The following RANBP10 variants were observed in gnomAD, a reference collection of about 807,000 sequenced individuals.
RANBP10 encodes RAN binding protein 10, also known as ran-binding protein 10.
In RANBP10, 24 loss-of-function variants were observed where a neutral mutation model predicts 72.8. The ratio of observed to expected loss-of-function variants is 0.33; its 90% CI spans 0.24 to 0.46. The LOEUF is 0.46. Ranked by LOEUF, RANBP10 falls within the 20% of genes least tolerant of loss-of-function variation. The probability of loss-of-function intolerance (pLI) is 1.00; values close to 1 mark genes in which losing one functional copy is unlikely to be tolerated. For missense variants in RANBP10, 679 were observed against 817.5 expected (o/e 0.83, Z 2.07); for synonymous variants, 310 against 322.3 (o/e 0.96, Z 0.41).
intron 2 of RANBP10, among the ~76,000 whole-genome samples, chr16:67,792,390 T>C (rs2055044720): frequency 6.8e-6 from 1 of 147,980 alleles, no homozygotes; most frequent in Admixed American, 6.7e-5. Context: ...CCATCTCTAC[T>C]AAAAAAAAAT....
At chr16:67,743,714 C>A (rs992374331) in intron 4 of RANBP10, among the ~76,000 whole-genome samples, 4 of 152,222 alleles carry the variant, frequency 2.6e-5, no homozygotes, top group Non-Finnish European at 5.9e-5. Context: ...CCCATCCCCA[C>A]TGCCTTACCT....
chr16:67,804,479 A>G (rs1412124386), intron 2 of RANBP10, among the ~76,000 whole-genome samples: 9 of 151,718 alleles, frequency 5.9e-5, no homozygotes, highest in Admixed American at 5.9e-4. Flanking sequence ...TCAGCTCACT[A>G]CAACCTCCAC....
At chr16:67,790,908 C>T (rs1384580220) in intron 2 of RANBP10, among the ~76,000 whole-genome samples, 2 of 151,510 alleles carry the variant, frequency 1.3e-5, no homozygotes, top group Non-Finnish European at 2.9e-5. Flanking sequence ...TCATGTTGAC[C>T]AGGCTGGTCT....
intron 2 of RANBP10, among the ~76,000 whole-genome samples, chr16:67,794,669 T>C (rs1597919987): frequency 6.6e-6 from 1 of 150,384 alleles, no homozygotes; most frequent in East Asian, 2.0e-4. Flanking sequence ...ACTACAGGTG[T>C]GTGCCACCAT....
chr16:67,794,738 T>C (rs113926979), intron 2 of RANBP10, among the ~76,000 whole-genome samples: 1 of 150,920 alleles, frequency 6.6e-6, no homozygotes, highest in South Asian at 2.1e-4. Flanking sequence ...TTAGCCAGGA[T>C]GGTCTTGATC....
Position 67,757,450 on chromosome 16 carries a change from G to A in RANBP10, c.401-12995C>T, listed in dbSNP as rs145163597. On this transcript the variant is annotated intron_variant, in intron 3 of 13. Transcript: ENST00000317506. ...GTGGCTCTCAGAATGTCACTCTTGA[G>A]GCTGGCTGTGGAGGGATGAGTGCTG... Among the ~76,000 whole-genome samples the A allele has an allele frequency of 7.2e-3, 1,090 of 152,254 alleles. 14 individuals carry two copies. The highest frequency in any genetic ancestry group is 0.025 in the African/African-American group (1,037 of 41,534).
At chr16:67,806,242 C>T in intron 1 of RANBP10, 60 bp downstream of exon 1, 2 of 1,468,146 alleles carry the variant, frequency 1.4e-6, no homozygotes, top group Non-Finnish European at 1.8e-6. Flanking sequence ...GGGGGCCTGG[C>T]AGCAGAGCCA....
chr16:67,799,085 T>C (rs2143021518), intron 2 of RANBP10, among the ~76,000 whole-genome samples: 1 of 150,928 alleles, frequency 6.6e-6, no homozygotes, highest in South Asian at 2.1e-4. Flanking sequence ...ACCACCACTA[T>C]TATTAGCGCC....
chr16:67,738,132 T>A lies in RANBP10; in HGVS notation c.569-97A>T. 8.8e-6 allele frequency: 12 copies of A among 1,355,972 alleles called. No homozygotes were observed. In the South Asian group the frequency reaches 1.8e-4, roughly 20 times the overall value. The allele number at this position is 1,355,972 out of a possible 1,614,324, so 84.0% of individuals were successfully genotyped here. A position where few individuals can be genotyped will look rare whatever the true frequency, so the allele number is the denominator to read the frequency against. ...CCAGTGCTAGGGCCGGGTAGTTGTT[T>A]TTTTTGGTTTGTTGTTGTTGTTTTG... On this transcript the variant is annotated intron_variant, in intron 4 of 13. Transcript: ENST00000317506.
At chr16:67,728,585 G>T (rs766296087) in intron 10 of RANBP10, 74 bp from the exon 11 acceptor site, 1 of 1,608,754 alleles carries the variant, frequency 6.2e-7, no homozygotes, top group Non-Finnish European at 8.5e-7. Flanking sequence ...CTCCTTTCAA[G>T]CTGTAGCCAT....
intron 1 of RANBP10, among the ~76,000 whole-genome samples, chr16:67,805,970 G>A (rs2055404031): frequency 6.6e-6 from 1 of 152,244 alleles, no homozygotes; most frequent in Admixed American, 6.5e-5. Context: ...TGGTAGGTAT[G>A]TGACCACCCC....
At chr16:67,757,868 A>C (rs1597867422) in intron 3 of RANBP10, among the ~76,000 whole-genome samples, 1 of 152,130 alleles carries the variant, frequency 6.6e-6, no homozygotes, top group East Asian at 1.9e-4. Context: ...CCCTGGGTGC[A>C]GGGTCTTCTC....
At chr16:67,745,986 G>A (rs150547159) in intron 3 of RANBP10, among the ~76,000 whole-genome samples, 4,513 of 151,802 alleles carry the variant, frequency 0.03, 97 homozygotes, top group Middle Eastern at 0.16. Context: ...GAGAAATCCC[G>A]TCTCTACTAA....
rs2053567108 is a variant in RANBP10 at position 67,724,225 on chromosome 16, C to T, written c.*2203G>A. On this transcript the variant is annotated 3_prime_UTR_variant, in exon 14 of 14. Coordinates refer to ENST00000317506, the MANE Select transcript of RANBP10 (RefSeq NM_020850.3). ...ACTGCTGGAGGGCACATCAGCCTGA[C>T]CCCTCATGGGGTTTATCTGCCATTC... 1 of 152,312 alleles carries T rather than the reference C, an allele frequency of 6.6e-6. No homozygotes were observed. The highest frequency in any genetic ancestry group is 2.4e-5 in the African/African-American group (1 of 41,464). The allele number at this position is 152,312 out of a possible 1,614,324, so 9.4% of individuals were successfully genotyped here.
At chr16:67,806,182 G>C (rs1416145420) in intron 1 of RANBP10, 120 bp downstream of exon 1, 2 of 994,648 alleles carry the variant, frequency 2.0e-6, no homozygotes, top group Admixed American at 5.6e-5. Context: ...TCCTGAAAGG[G>C]CCAAGCCCTA....
chr16:67,732,373 A>G (rs1473421691), intron 6 of RANBP10, among the ~76,000 whole-genome samples: 1 of 152,186 alleles, frequency 6.6e-6, no homozygotes, highest in Non-Finnish European at 1.5e-5. Context: ...TATAAAGCAG[A>G]GGCTGAACCC....
At chr16:67,791,460 C>T (rs2143018666) in intron 2 of RANBP10, among the ~76,000 whole-genome samples, 1 of 152,242 alleles carries the variant, frequency 6.6e-6, no homozygotes, top group Non-Finnish European at 1.5e-5. Flanking sequence ...GTCCCTACAC[C>T]CACAGGGCTC....
intron 3 of RANBP10, among the ~76,000 whole-genome samples, chr16:67,766,448 G>A (rs1036513184): frequency 6.6e-6 from 1 of 152,184 alleles, no homozygotes; most frequent in Admixed American, 6.5e-5. Flanking sequence ...GTGGGTGGGA[G>A]GTGTTTGGGT....
In RANBP10 at chr16:67,723,505, A is replaced by C. The variant is rs1321898926; in HGVS notation, c.*2923T>G. On this transcript the variant is annotated 3_prime_UTR_variant, in exon 14 of 14. Coordinates refer to ENST00000317506, the MANE Select transcript of RANBP10 (RefSeq NM_020850.3). ...CTTTGTGCTTGCTTAAGGAGTGGGA[A>C]GGCGCTAGGTGGCCAGGCAGTCCCC... 1 of 152,682 alleles carries C rather than the reference A, an allele frequency of 6.5e-6. No homozygotes were observed. The highest frequency in any genetic ancestry group is 2.4e-5 in the African/African-American group (1 of 41,466). 9.5% of individuals were successfully genotyped at this position (152,682 alleles called of 1,614,324 possible). A position where few individuals can be genotyped will look rare whatever the true frequency, so the allele number is the denominator to read the frequency against.
Sources: allele counts gnomAD v4.1 joint callset (sites outside exome capture counted in the v4.1 genomes callset), GRCh38; gene constraint gnomAD v4.1.1; transcripts MANE v1.5; gene names NCBI Gene and HGNC (gene_info 2026-07-23, HGNC 2026-07-21).